Variants in TCERG1 observed in about 807,000 individuals in gnomAD.
TCERG1 encodes transcription elongation regulator 1.
TCERG1 carries 37 observed loss-of-function variants against 144.7 expected under a neutral mutation model. The observed-to-expected ratio is 0.26, with a 90% confidence interval of 0.20 to 0.34. TCERG1 has a LOEUF of 0.34. Among genes scored for constraint, TCERG1 ranks in the 10% least tolerant of loss-of-function variants. TCERG1 has a pLI of 1.00. For missense variants in TCERG1, 1,027 were observed against 1,380.7 expected (o/e 0.74, Z 4.06); for synonymous variants, 492 against 458.2 (o/e 1.07, Z -0.94).
intron 19 of TCERG1, 118 bp from the exon 20 acceptor site, chr5:146,506,910 A>G: frequency 1.4e-6 from 1 of 738,538 alleles, no homozygotes; most frequent in Non-Finnish European, 2.1e-6. Flanking sequence ...CTGTTGATAG[A>G]CACTTAGGTT....
Position 146,507,870 on chromosome 5 carries a change from A to G in TCERG1, c.2962-3A>G. The G allele has an allele frequency of 6.2e-7, 1 of 1,602,740 alleles. No homozygotes were observed. Among genetic ancestry groups the G allele is most frequent in the Non-Finnish European group, 8.5e-7 (1 of 1,173,394 alleles). ...TATGTTTTTTATTCATGTCTTTTCA[A>G]AGATTACCTTAACATCCACGTGGAA... On this transcript the variant is annotated splice_region_variant and splice_polypyrimidine_tract_variant and intron_variant, in intron 20 of 22. Coordinates refer to ENST00000679501, the MANE Select transcript of TCERG1 (RefSeq NM_001382548.1). This position sits in a 1 kb window ranked among gnomAD's most constrained non-coding sequence, Gnocchi z 4.6.
At chr5:146,504,195 A>G in intron 19 of TCERG1, 189 bp downstream of exon 19, 1 of 470,852 alleles carries the variant, frequency 2.1e-6, no homozygotes, top group Non-Finnish European at 3.5e-6. Flanking sequence ...TATTCAACAA[A>G]TTCAGAAGTT....
Position 146,455,151 on chromosome 5 carries a change from C to G in TCERG1, c.155C>G (p.Pro52Arg). The G allele has an allele frequency of 6.2e-7, 1 of 1,614,228 alleles. No homozygotes were observed. The highest frequency in any genetic ancestry group is 8.5e-7 in the Non-Finnish European group (1 of 1,180,034). Residue 52 changes from proline (P) to arginine (R), a missense_variant, in exon 2 of 23, where the codon CCT (proline) becomes CGT (arginine). This residue lies in a region of TCERG1 where 175 missense variants were observed against 197.0 expected (regional missense o/e 0.89). Coordinates refer to ENST00000679501, the MANE Select transcript of TCERG1 (RefSeq NM_001382548.1). ...CCACCTCTGATGCGACCTCCTCCAC[C>G]TTTTGGTATGATGCGAGGCCCTCCT... ...GPPPLMRPPPPFGMMRGPPPP... is the reference protein window; with the variant it reads ...GPPPLMRPPPRFGMMRGPPPP...
At chr5:146,469,229 A>G (rs1239749666) in intron 6 of TCERG1, among the ~76,000 whole-genome samples, 1 of 152,152 alleles carries the variant, frequency 6.6e-6, no homozygotes, top group African/African-American at 2.4e-5. Flanking sequence ...ATAGATTTCT[A>G]TTCATAAGTA....
At chr5:146,459,391 A>G in intron 4 of TCERG1, 54 bp downstream of exon 4, 1 of 1,570,750 alleles carries the variant, frequency 6.4e-7, no homozygotes, top group Non-Finnish European at 8.7e-7. Context: ...ATGAACAAGT[A>G]GGGGACTACA....
intron 10 of TCERG1, among the ~76,000 whole-genome samples, 153 bp downstream of exon 10, chr5:146,478,806 A>G (rs2150510028): frequency 6.6e-6 from 1 of 152,350 alleles, no homozygotes; most frequent in Admixed American, 6.5e-5. Flanking sequence ...GAATGAAATA[A>G]TAGAGATTAA....
intron 14 of TCERG1, 64 bp downstream of exon 14, chr5:146,482,791 T>A: frequency 2.0e-6 from 3 of 1,487,012 alleles, no homozygotes; most frequent in Non-Finnish European, 2.7e-6. Context: ...TATGTCTTGC[T>A]AAAAGGTCAA....
chr5:146,495,390 A>G (rs572776037), intron 16 of TCERG1, among the ~76,000 whole-genome samples: 1 of 152,344 alleles, frequency 6.6e-6, no homozygotes, highest in Non-Finnish European at 1.5e-5. Context: ...TTAAAATTAT[A>G]AACTGAAGGG....
chr5:146,495,253 T>C (rs893064961), intron 16 of TCERG1, among the ~76,000 whole-genome samples: 2 of 152,218 alleles, frequency 1.3e-5, no homozygotes, highest in Non-Finnish European at 2.9e-5. Context: ...TGTATTATAC[T>C]TACTACGTGA....
intron 15 of TCERG1, among the ~76,000 whole-genome samples, chr5:146,489,115 A>T (rs1766143728): frequency 6.6e-6 from 1 of 152,182 alleles, no homozygotes; most frequent in Non-Finnish European, 1.5e-5. Context: ...GGATAGGAAG[A>T]TTAAGTCCTG....
chr5:146,495,696 T>G (rs998051), intron 16 of TCERG1, among the ~76,000 whole-genome samples: 11,730 of 152,298 alleles, frequency 0.077, 496 homozygotes, highest in Middle Eastern at 0.11. Context: ...AAATTGAGAT[T>G]AACTGGCCAG....
At chr5:146,506,609 G>T (rs992921494) in intron 19 of TCERG1, among the ~76,000 whole-genome samples, 6 of 152,092 alleles carry the variant, frequency 3.9e-5, no homozygotes, top group Admixed American at 2.6e-4. Context: ...ACTTATTTCT[G>T]CTGTCTCTGA....
upstream of TCERG1, chr5:146,447,332 T>G (rs377647481): frequency 1.7e-5 from 28 of 1,610,608 alleles, no homozygotes; most frequent in African/African-American, 2.7e-5. Flanking sequence ...GGCGGGTGGA[T>G]GAACGCGGCC....
chr5:146,457,619 C>T (rs1188267116), intron 3 of TCERG1, among the ~76,000 whole-genome samples: 1 of 152,246 alleles, frequency 6.6e-6, no homozygotes, highest in Non-Finnish European at 1.5e-5. Flanking sequence ...AGAAGGAAAG[C>T]AGGTGTTCAG....
intron 22 of TCERG1, 62 bp downstream of exon 22, chr5:146,509,307 G>A (rs1362006169): frequency 4.4e-6 from 5 of 1,128,396 alleles, no homozygotes; most frequent in Non-Finnish European, 6.5e-6. Context: ...TACTCTAATG[G>A]TCAGAGCATT....
rs779050050 is a variant in TCERG1 at position 146,498,632 on chromosome 5, T to C, written c.2379T>C (p.Phe793=). The stretch of plus-strand genomic sequence containing the variant: ...ACCGAGAAGCCTTGTTTAATGAGTT[T>C]GTGGCCGCTGCTAGGAAGAAAGAGA... The part of the protein sequence containing the change: ...MKDREALFNE[F]VAAARKKEKE... The change falls in exon 17 of 23, where the codon TTT becomes TTC. Residue 793 remains phenylalanine, a synonymous_variant. Coordinates refer to ENST00000679501, the MANE Select transcript of TCERG1 (RefSeq NM_001382548.1). 6.2e-7 allele frequency: 1 copy of C among 1,611,822 alleles called. No homozygotes were observed. Among genetic ancestry groups the C allele is most frequent in the Admixed American group, 1.7e-5 (1 of 59,684 alleles).
At chr5:146,483,900 G>C (rs1765585910) in intron 15 of TCERG1, among the ~76,000 whole-genome samples, 1 of 151,888 alleles carries the variant, frequency 6.6e-6, no homozygotes, top group African/African-American at 2.4e-5. Flanking sequence ...TTTTAAAATT[G>C]ATTTCAAATG....
At chr5:146,491,376 A>G (rs907161777) in intron 15 of TCERG1, among the ~76,000 whole-genome samples, 5 of 152,040 alleles carry the variant, frequency 3.3e-5, no homozygotes, top group Admixed American at 6.6e-5. Context: ...TTTTGCCCCC[A>G]GGAGACATTT....
chr5:146,498,289 C>CTTTT (rs530530509), intron 16 of TCERG1, among the ~76,000 whole-genome samples: 11 of 146,008 alleles, frequency 7.5e-5, no homozygotes, highest in Non-Finnish European at 1.5e-5. Flanking sequence ...TGATCTCTTT[C>CTTTT]TTTTTTTTTT....
Sources: gnomAD v4.1 joint callset for allele counts (sites outside exome capture counted in the v4.1 genomes callset) on GRCh38, gnomAD v4.1.1 for gene constraint, gnomAD v4.1.1 regional missense constraint, Gnocchi (gnomAD v3.1) non-coding constraint, MANE v1.5 for transcripts, NCBI Gene and HGNC (gene_info 2026-07-23, HGNC 2026-07-21) for gene names.